Variants in MEF2D observed in about 807,000 individuals in gnomAD.
The protein encoded by MEF2D is myocyte enhancer factor 2D.
In MEF2D, 10 loss-of-function variants were observed where a neutral mutation model predicts 59.3. The ratio of observed to expected loss-of-function variants is 0.17; its 90% CI spans 0.10 to 0.29. The LOEUF (loss-of-function observed/expected upper bound fraction) is 0.29, where lower values mean the gene tolerates loss of function less well. MEF2D is among the 10% of genes least tolerant of loss of function. The pLI is 1.00. For missense variants in MEF2D, 508 were observed against 699.4 expected (o/e 0.73, Z 3.09); for synonymous variants, 305 against 295.0 (o/e 1.03, Z -0.35).
intron 8 of MEF2D, among the ~76,000 whole-genome samples, chr1:156,475,810 C>T (rs1272619267): frequency 6.6e-6 from 1 of 152,242 alleles, no homozygotes; most frequent in Non-Finnish European, 1.5e-5. Flanking sequence ...TCTGGCCTCC[C>T]GTCAGGGAGT....
chr1:156,479,401 G>T, intron 5 of MEF2D, 55 bp from the exon 6 acceptor site: 1 of 1,580,314 alleles, frequency 6.3e-7, no homozygotes. Context: ...TCAAGAGTGA[G>T]TCTTGGGGAC....
chr1:156,476,423 T>A (rs376572554), intron 8 of MEF2D, 71 bp downstream of exon 8: 1 of 1,558,486 alleles, frequency 6.4e-7, no homozygotes, highest in African/African-American at 1.3e-5. Context: ...GCACACGTAC[T>A]TCATGCTGGG....
At chr1:156,483,018 C>T (rs746675183) in intron 2 of MEF2D, among the ~76,000 whole-genome samples, 4 of 152,184 alleles carry the variant, frequency 2.6e-5, no homozygotes, top group Non-Finnish European at 5.9e-5. Flanking sequence ...AACATGGGCT[C>T]ATCTAGCTGT....
intron 1 of MEF2D, among the ~76,000 whole-genome samples, chr1:156,494,513 C>G (rs1014657218): frequency 3.9e-5 from 6 of 152,076 alleles, no homozygotes; most frequent in Non-Finnish European, 5.9e-5. Context: ...GCTTCCCAAC[C>G]CATCCCAGGG....
intron 1 of MEF2D, among the ~76,000 whole-genome samples, chr1:156,494,650 G>A (rs1673024242): frequency 6.6e-6 from 1 of 152,220 alleles, no homozygotes; most frequent in South Asian, 2.1e-4. Flanking sequence ...TCCTGGGCCA[G>A]GCTGGGGCTG....
intron 6 of MEF2D, among the ~76,000 whole-genome samples, chr1:156,478,216 G>A (rs1403478361): frequency 2.0e-5 from 3 of 152,110 alleles, no homozygotes; most frequent in Non-Finnish European, 4.4e-5. Context: ...TTAATTTCCT[G>A]ACCCTGTGAC....
At chr1:156,500,291 C>T (rs112963281) in intron 1 of MEF2D, among the ~76,000 whole-genome samples, 195 bp downstream of exon 1, 4,347 of 152,288 alleles carry the variant, frequency 0.029, 203 homozygotes, top group African/African-American at 0.099. Context: ...GACTCCCTGA[C>T]ACAAACAGTC....
intron 1 of MEF2D, among the ~76,000 whole-genome samples, chr1:156,491,379 A>G (rs1557895100): frequency 6.6e-6 from 1 of 152,338 alleles, no homozygotes; most frequent in East Asian, 1.9e-4. Context: ...GAATTGTGTA[A>G]GTCACGGAGA....
At chr1:156,481,983 G>C (rs1400768862) in intron 3 of MEF2D, among the ~76,000 whole-genome samples, 5 of 152,224 alleles carry the variant, frequency 3.3e-5, no homozygotes, top group Admixed American at 3.3e-4. Context: ...CTTTGAAACA[G>C]AAAATAGAAC....
chr1:156,497,320 T>A (rs1673186904), intron 1 of MEF2D, among the ~76,000 whole-genome samples: 1 of 152,260 alleles, frequency 6.6e-6, no homozygotes, highest in African/African-American at 2.4e-5. Context: ...GCTGAGGTTG[T>A]GCCGGCCTGC....
intron 1 of MEF2D, among the ~76,000 whole-genome samples, chr1:156,485,599 C>T (rs1672308717): frequency 6.8e-6 from 1 of 146,178 alleles, no homozygotes; most frequent in Non-Finnish European, 1.5e-5. Flanking sequence ...CTGGAGTGTA[C>T]AAATCACAGC....
intron 1 of MEF2D, among the ~76,000 whole-genome samples, chr1:156,495,328 A>G (rs1398218003): frequency 1.3e-5 from 2 of 152,108 alleles, no homozygotes. Context: ...ATAACTAGGA[A>G]AGCTTAAAAG....
intron 3 of MEF2D, among the ~76,000 whole-genome samples, chr1:156,481,448 A>C (rs185352435): frequency 3.2e-4 from 48 of 152,230 alleles, no homozygotes; most frequent in Admixed American, 3.0e-3. Context: ...AGGAAGAGAG[A>C]AATAGAGATG....
At position 156,468,739 on chromosome 1, in the gene MEF2D, T is replaced by TC. The variant is rs757865257; in HGVS notation, c.1247+40dup. 7.2e-5 allele frequency: 114 copies of TC among 1,589,686 alleles called. No homozygotes were observed. The highest frequency in any genetic ancestry group is 5.5e-5 in the Non-Finnish European group (64 of 1,161,896). Reference sequence around the variant, plus strand: ...GGTCCCTCCTCTTCCCGTTCAATTCTCCCTTCCCACACACTCACATGCAGT... The same window carrying TC: ...GGTCCCTCCTCTTCCCGTTCAATTCTCCCCTTCCCACACACTCACATGCAGT... On this transcript the variant is annotated intron_variant, in intron 10 of 11. Coordinates refer to ENST00000348159, the MANE Select transcript of MEF2D (RefSeq NM_005920.4). This position sits in a 1 kb window ranked among gnomAD's most constrained non-coding sequence, Gnocchi z 4.3.
chr1:156,480,596 G>A (rs1223410965), intron 4 of MEF2D: 6 of 1,513,854 alleles, frequency 4.0e-6, no homozygotes, highest in Non-Finnish European at 5.3e-6. Flanking sequence ...AGGGCGCGAA[G>A]CCACACCATG....
chr1:156,485,081 T>G (rs1325902561), intron 1 of MEF2D, among the ~76,000 whole-genome samples: 1 of 152,066 alleles, frequency 6.6e-6, no homozygotes, highest in Admixed American at 6.5e-5. Context: ...GAGCTCCCCT[T>G]CCATAGAGCC....
intron 3 of MEF2D, among the ~76,000 whole-genome samples, chr1:156,481,508 CACTG>C (rs1490590046): frequency 6.6e-6 from 1 of 152,170 alleles, no homozygotes; most frequent in East Asian, 1.9e-4. Context: ...GGGGGATGAA[CACTG>C]ACTGAGTCCC....
At chr1:156,471,438 T>A (rs1415949292) in intron 9 of MEF2D, among the ~76,000 whole-genome samples, 2 of 152,204 alleles carry the variant, frequency 1.3e-5, no homozygotes, top group Non-Finnish European at 2.9e-5. Context: ...CAGAATCAAC[T>A]ATTTCTAACA....
chr1:156,469,603 A>AAAAC (rs1557876315), intron 9 of MEF2D, among the ~76,000 whole-genome samples: 3 of 148,912 alleles, frequency 2.0e-5, no homozygotes, highest in Non-Finnish European at 1.5e-5. Flanking sequence ...AAAAAAAAAA[A>AAAAC]AAACAGCTGG....
Sources: gnomAD v4.1 joint callset for allele counts (sites outside exome capture counted in the v4.1 genomes callset) on GRCh38, gnomAD v4.1.1 for gene constraint, Gnocchi (gnomAD v3.1) non-coding constraint, MANE v1.5 for transcripts, NCBI Gene and HGNC (gene_info 2026-07-23, HGNC 2026-07-21) for gene names.